Variants in SV2B observed in about 807,000 individuals in gnomAD.
The protein encoded by SV2B is solute carrier family 22 member B2.
Under a neutral mutation model 73.9 loss-of-function variants are expected in SV2B, and 41 were observed. The ratio of observed to expected loss-of-function variants is 0.56; its 90% confidence interval spans 0.43 to 0.72. The LOEUF (loss-of-function observed/expected upper bound fraction) is 0.72, where lower values mean the gene tolerates loss of function less well. Ranked by LOEUF, SV2B falls within the 30% of genes least tolerant of loss-of-function variation. SV2B has a pLI of 0.00. For missense variants in SV2B, 764 were observed against 857.8 expected (o/e 0.89, Z 1.37); for synonymous variants, 314 against 314.2 (o/e 1.00, Z 0.01).
Position 91,112,317 on chromosome 15 carries a change from A to G in SV2B, c.-392+11954A>G, listed in dbSNP as rs376191884. On this transcript the variant is annotated intron_variant, in intron 1 of 12. Coordinates refer to ENST00000394232, the MANE Select transcript of SV2B (RefSeq NM_001323032.3). Reference sequence around the variant, plus strand: ...TCTTGGCTCCTGAAATGCTCCTGCAAGTGGTGAGATCGCCGCTGTCCTGTG... The same window carrying G: ...TCTTGGCTCCTGAAATGCTCCTGCAGGTGGTGAGATCGCCGCTGTCCTGTG... Among the ~76,000 whole-genome samples, 8 of 152,176 alleles carry G rather than the reference A, an allele frequency of 5.3e-5. No homozygotes were observed. The East Asian group carries it at 9.6e-4, about 18-fold the overall frequency.
At chr15:91,285,901 G>A (rs1180488303) in intron 11 of SV2B, among the ~76,000 whole-genome samples, 1 of 152,142 alleles carries the variant, frequency 6.6e-6, no homozygotes, top group African/African-American at 2.4e-5. Flanking sequence ...GGGCACAGGG[G>A]CAGGCGGGAC....
chr15:91,207,631 T>A (rs976803593), intron 1 of SV2B, among the ~76,000 whole-genome samples: 6 of 152,198 alleles, frequency 3.9e-5, no homozygotes, highest in African/African-American at 1.4e-4. Flanking sequence ...TGACACCCCA[T>A]AACCAAAGAC....
chr15:91,166,751 G>C (rs1184039674), intron 1 of SV2B, among the ~76,000 whole-genome samples: 1 of 151,754 alleles, frequency 6.6e-6, no homozygotes, highest in African/African-American at 2.4e-5. Flanking sequence ...AATCCATACA[G>C]GGAGTTTATA....
chr15:91,168,024 C>A (rs2043976231), intron 1 of SV2B, among the ~76,000 whole-genome samples: 1 of 152,040 alleles, frequency 6.6e-6, no homozygotes, highest in Non-Finnish European at 1.5e-5. Flanking sequence ...AGTCTATAAT[C>A]TGGGGGATGG....
At chr15:91,198,046 A>G (rs75770815) in intron 1 of SV2B, among the ~76,000 whole-genome samples, 31,234 of 152,192 alleles carry the variant, frequency 0.21, 5,881 homozygotes, top group African/African-American at 0.5. Context: ...AAACAAACAA[A>G]CAAAAATACA....
rs1197856587 is a variant in SV2B, at chr15:91,288,766, C to T, written c.1709-755C>T. ...CATCTCGGCTCACTGCAACCTCTGC[C>T]TCCCAGCTTCAAATAATTCTCGTGC... On this transcript the variant is annotated intron_variant, in intron 11 of 12. Transcript: ENST00000394232. The surrounding 1 kb of genome is among the most constrained non-coding windows in gnomAD (Gnocchi z 5.8). Among the ~76,000 whole-genome samples, 1 of 152,146 alleles carries T rather than the reference C, an allele frequency of 6.6e-6. No individual in the cohort carries two copies. The highest frequency in any genetic ancestry group is 6.5e-5 in the Admixed American group (1 of 15,280).
intron 1 of SV2B, among the ~76,000 whole-genome samples, chr15:91,183,094 A>G (rs973123076): frequency 6.6e-6 from 1 of 152,208 alleles, no homozygotes; most frequent in Non-Finnish European, 1.5e-5. Context: ...CAATCAAAGG[A>G]GAAGGCATCA....
At chr15:91,169,891 C>G (rs2044059307) in intron 1 of SV2B, among the ~76,000 whole-genome samples, 1 of 152,148 alleles carries the variant, frequency 6.6e-6, no homozygotes, top group South Asian at 2.1e-4. Flanking sequence ...TCTTGTTTAA[C>G]ATCCCTGTTG....
In SV2B at chr15:91,267,650, T is replaced by G; in HGVS notation, c.1208+7T>G. 6.2e-7 allele frequency: 1 copy of G among 1,608,042 alleles called. No homozygotes were observed. Among genetic ancestry groups the G allele is most frequent in the Non-Finnish European group, 8.5e-7 (1 of 1,176,378 alleles). ...GGTTTGCCATGGCATTCAGGTAAGT[T>G]CTGTCTTACTTAAATTTCGTAATTC... On this transcript the variant is annotated splice_region_variant and intron_variant, in intron 8 of 12. Coordinates refer to ENST00000394232, the MANE Select transcript of SV2B (RefSeq NM_001323032.3). The surrounding 1 kb of genome is among the most constrained non-coding windows in gnomAD (Gnocchi z 4.3).
chr15:91,283,882 C>CCTTGACGACATGGCCACATATTAA lies in SV2B; in HGVS notation c.1508-133_1508-132insGACATGGCCACATATTAACTTGAC. The CCTTGACGACATGGCCACATATTAA allele has an allele frequency of 1.2e-6, 1 of 844,724 alleles. No individual in the cohort carries two copies. The highest frequency in any genetic ancestry group is 1.7e-5 in the African/African-American group (1 of 60,042). The allele number at this position is 844,724 out of a possible 1,614,324, so 52.3% of individuals were successfully genotyped here. On this transcript the variant is annotated intron_variant, in intron 10 of 12. Transcript: ENST00000394232. The surrounding 1 kb of genome is among the most constrained non-coding windows in gnomAD (Gnocchi z 4.3). ...ACCTTGATGACATGGCCACATATTA[C>CCTTGACGACATGGCCACATATTAA]CTTGACTTTGAGGCTGTCTGACTGG...
rs553656556 is a variant in SV2B at position 91,274,129 on chromosome 15, A to G, written c.1373+5524A>G. Among the ~76,000 whole-genome samples, 504 of 152,258 alleles carry G rather than the reference A, an allele frequency of 3.3e-3. 4 individuals carry two copies. The highest frequency in any genetic ancestry group is 4.4e-3 in the Non-Finnish European group (297 of 68,008). ...CTGTTCTCCTTTTGAGGGACATTTA[A>G]GTAGTTAATAAACTTTTCTTGCTAT... On this transcript the variant is annotated intron_variant, in intron 9 of 12. Transcript: ENST00000394232.
At position 91,301,845 on chromosome 15, in the gene SV2B, C is replaced by T. The variant is rs369202801; in HGVS notation, c.*9293C>T. On this transcript the variant is annotated 3_prime_UTR_variant, in exon 13 of 13. Coordinates refer to ENST00000394232, the MANE Select transcript of SV2B (RefSeq NM_001323032.3). This position sits in a 1 kb window ranked among gnomAD's most constrained non-coding sequence, Gnocchi z 4.3. ...AGCTTTTCCTTGGAGTACACGTTGGCGCTCAAAAAGTTTTCAATTTGGGAG... is the reference window on the plus strand; with the variant it reads ...AGCTTTTCCTTGGAGTACACGTTGGTGCTCAAAAAGTTTTCAATTTGGGAG... Among the ~76,000 whole-genome samples the T allele has an allele frequency of 2.0e-4, 31 of 152,268 alleles. No individual in the cohort carries two copies. The highest frequency in any genetic ancestry group is 1.5e-3 in the East Asian group (8 of 5,182).
intron 1 of SV2B, among the ~76,000 whole-genome samples, chr15:91,174,368 C>T (rs1046161332): frequency 1.3e-5 from 2 of 152,038 alleles, no homozygotes; most frequent in South Asian, 2.1e-4. Context: ...GATAGTCCTG[C>T]GTGTGATAGT....
chr15:91,119,459 G>A (rs1337759895), intron 1 of SV2B, among the ~76,000 whole-genome samples: 2 of 152,172 alleles, frequency 1.3e-5, no homozygotes, highest in Non-Finnish European at 2.9e-5. Flanking sequence ...CCCAGAGTGC[G>A]ACTCGTTTCA....
At chr15:91,113,048 T>C (rs188608890) in intron 1 of SV2B, among the ~76,000 whole-genome samples, 137 of 152,312 alleles carry the variant, frequency 9.0e-4, no homozygotes, top group Non-Finnish European at 1.6e-3. Context: ...CCCAGACTAG[T>C]CCTGAATTCC....
intron 1 of SV2B, among the ~76,000 whole-genome samples, chr15:91,103,457 T>C (rs919601194): frequency 1.3e-5 from 2 of 152,244 alleles, no homozygotes; most frequent in African/African-American, 4.8e-5. Context: ...GGAAAAGTGT[T>C]GGGATCATCT....
intron 1 of SV2B, among the ~76,000 whole-genome samples, chr15:91,178,742 C>A (rs1466176019): frequency 6.7e-6 from 1 of 148,848 alleles, no homozygotes; most frequent in Admixed American, 6.7e-5. Context: ...GGTGATATCC[C>A]CTTTATCATT....
chr15:91,289,503 C>G lies in SV2B; in HGVS notation c.1709-18C>G, dbSNP rs114221988. 1.1e-3 allele frequency: 1,818 copies of G among 1,614,070 alleles called. 23 individuals are homozygous for G. In the African/African-American group the frequency reaches 0.022, roughly 19 times the overall value. ...CACAGGCCTCATGTTTCTTTTTGCC[C>G]TTGAACTCCCTCTGCAGGTGGCTCC... On this transcript the variant is annotated intron_variant, in intron 11 of 12. Transcript: ENST00000394232. This position sits in a 1 kb window ranked among gnomAD's most constrained non-coding sequence, Gnocchi z 4.9.
chr15:91,113,749 G>C (rs111446009), intron 1 of SV2B, among the ~76,000 whole-genome samples: 1 of 152,228 alleles, frequency 6.6e-6, no homozygotes, highest in African/African-American at 2.4e-5. Flanking sequence ...TAAACCCAGA[G>C]GTTCTTTCTG....
Sources: allele counts gnomAD v4.1 joint callset (sites outside exome capture counted in the v4.1 genomes callset), GRCh38; gene constraint gnomAD v4.1.1; non-coding constraint Gnocchi (gnomAD v3.1); transcripts MANE v1.5; gene names NCBI Gene and HGNC (gene_info 2026-07-23, HGNC 2026-07-21).